Variants in CACNA2D1 observed in about 807,000 individuals in gnomAD.
CACNA2D1 encodes voltage-dependent calcium channel subunit alpha-2/delta-1.
A neutral mutation model predicts 171.5 loss-of-function variants in CACNA2D1; 53 were observed. That is an observed-to-expected ratio of 0.31 (90% CI 0.25 to 0.39). The LOEUF (loss-of-function observed/expected upper bound fraction) is 0.39, where lower values mean the gene tolerates loss of function less well. Ranked by LOEUF, CACNA2D1 falls within the 10% of genes least tolerant of loss-of-function variation. The probability of loss-of-function intolerance (pLI) is 1.00; values close to 1 mark genes in which losing one functional copy is unlikely to be tolerated. For missense variants in CACNA2D1, 903 were observed against 1,299.8 expected, an observed-to-expected ratio of 0.69 and a Z score of 4.69; for synonymous variants, 442 against 443.1, an observed-to-expected ratio of 1.00 and a Z score of 0.03.
intron 3 of CACNA2D1, among the ~76,000 whole-genome samples, chr7:82,205,407 C>T (rs1799915046): frequency 1.3e-5 from 2 of 152,016 alleles, no homozygotes; most frequent in South Asian, 2.1e-4. Context: ...GGGGCAGTAC[C>T]TACTGAATCT....
chr7:82,112,739 G>T (rs1788604280), intron 6 of CACNA2D1, among the ~76,000 whole-genome samples: 4 of 152,154 alleles, frequency 2.6e-5, no homozygotes, highest in Admixed American at 2.6e-4. Flanking sequence ...GCAAGTGGTG[G>T]ACCTTGTTGG....
chr7:82,257,744 TA>T (rs1806477463), intron 3 of CACNA2D1, among the ~76,000 whole-genome samples: 1 of 152,174 alleles, frequency 6.6e-6, no homozygotes, highest in African/African-American at 2.4e-5. Context: ...TTCTCACATT[TA>T]AAAAAATACT....
At chr7:81,958,640 G>C (rs1793725487) in intron 38 of CACNA2D1, among the ~76,000 whole-genome samples, 2 of 151,986 alleles carry the variant, frequency 1.3e-5, no homozygotes, top group African/African-American at 4.8e-5. Context: ...AGGAAAAGTA[G>C]TAAGCCATCT....
At position 82,047,711 on chromosome 7, in the gene CACNA2D1, ACTCT is replaced by A. The variant is rs755980122; in HGVS notation, c.880-9480_880-9477del. On this transcript the variant is annotated intron_variant, in intron 10 of 38. Transcript: ENST00000356860. Reference sequence around the variant, plus strand: ...GTACAGTAACATTAGTACAAAAAAGACTCTCTCTATACTCAAAGAAGCGTACATT... The same window carrying A: ...GTACAGTAACATTAGTACAAAAAAGACTCTATACTCAAAGAAGCGTACATT... Among the ~76,000 whole-genome samples the A allele has an allele frequency of 1.3e-4, 19 of 151,348 alleles. No individual in the cohort carries two copies. In the East Asian group the frequency reaches 1.4e-3, roughly 11 times the overall value.
At chr7:82,352,989 G>A (rs377371335) in intron 1 of CACNA2D1, among the ~76,000 whole-genome samples, 5 of 152,170 alleles carry the variant, frequency 3.3e-5, no homozygotes, top group East Asian at 1.9e-4. Context: ...TCAAAATAAC[G>A]GAGAGATATT....
chr7:82,309,826 C>A (rs1472947428), intron 3 of CACNA2D1, among the ~76,000 whole-genome samples: 6 of 152,132 alleles, frequency 3.9e-5, no homozygotes, highest in Admixed American at 3.9e-4. Context: ...AGTCCCTGTT[C>A]TTCATACCTG....
chr7:82,005,593 A>G, intron 17 of CACNA2D1, 96 bp from the exon 18 acceptor site: 1 of 890,106 alleles, frequency 1.1e-6, no homozygotes, highest in Non-Finnish European at 1.8e-6. Flanking sequence ...TACACATTGT[A>G]TAGCATGTTG....
chr7:81,992,471 G>C (rs559087790), intron 20 of CACNA2D1, among the ~76,000 whole-genome samples: 1 of 152,092 alleles, frequency 6.6e-6, no homozygotes, highest in African/African-American at 2.4e-5. Flanking sequence ...GGGGGGAACA[G>C]GGTTGTGAAG....
intron 3 of CACNA2D1, among the ~76,000 whole-genome samples, chr7:82,188,233 A>C (rs2129181717): frequency 6.6e-6 from 1 of 152,250 alleles, no homozygotes; most frequent in South Asian, 2.1e-4. Context: ...AGCATGATTT[A>C]ATCAGAGAAA....
chr7:81,964,690 G>A (rs768186065), intron 32 of CACNA2D1, among the ~76,000 whole-genome samples: 6 of 151,882 alleles, frequency 4.0e-5, no homozygotes, highest in Non-Finnish European at 5.9e-5. Flanking sequence ...AGGGTACAAA[G>A]AAGCAGTTAT....
intron 4 of CACNA2D1, among the ~76,000 whole-genome samples, chr7:82,163,052 C>G (rs1008955015): frequency 2.6e-5 from 4 of 151,930 alleles, no homozygotes; most frequent in East Asian, 1.9e-4. Context: ...TATAACTCCA[C>G]CAAATTGAAA....
upstream of CACNA2D1, chr7:82,443,847 C>CGGG (rs1411519748): frequency 7.8e-6 from 2 of 257,706 alleles, no homozygotes; most frequent in Non-Finnish European, 1.2e-5. Flanking sequence ...GGGGCGGGGG[C>CGGG]GGAGGAGGGG....
intron 3 of CACNA2D1, among the ~76,000 whole-genome samples, chr7:82,298,298 T>A (rs1234858261): frequency 2.6e-5 from 4 of 152,158 alleles, no homozygotes; most frequent in African/African-American, 9.6e-5. Context: ...GGACTAGAAC[T>A]GTAACTGCCA....
At chr7:82,234,972 T>C (rs1803380496) in intron 3 of CACNA2D1, among the ~76,000 whole-genome samples, 1 of 152,144 alleles carries the variant, frequency 6.6e-6, no homozygotes. Flanking sequence ...ATTGTTCAAG[T>C]GCTGCGATTT....
chr7:82,151,455 G>C (rs1793846301), intron 4 of CACNA2D1, among the ~76,000 whole-genome samples: 1 of 152,006 alleles, frequency 6.6e-6, no homozygotes, highest in African/African-American at 2.4e-5. Flanking sequence ...CTTAGTCCAT[G>C]GTTGCTAACA....
chr7:81,962,517 A>T (rs1794261736), intron 34 of CACNA2D1, 22 bp from the exon 35 acceptor site: 4 of 1,501,282 alleles, frequency 2.7e-6, no homozygotes, highest in South Asian at 2.4e-5. Flanking sequence ...AAATAAAAAA[A>T]AAATAAACAT....
intron 4 of CACNA2D1, among the ~76,000 whole-genome samples, chr7:82,157,080 T>C (rs572063533): frequency 1.3e-5 from 2 of 152,276 alleles, no homozygotes; most frequent in Non-Finnish European, 2.9e-5. Flanking sequence ...CAATTGCCTG[T>C]CTTTCTAAAT....
chr7:82,012,881 T>C (rs540741627), intron 14 of CACNA2D1, among the ~76,000 whole-genome samples: 1 of 152,230 alleles, frequency 6.6e-6, no homozygotes, highest in Non-Finnish European at 1.5e-5. Flanking sequence ...CATAGTAATT[T>C]ATGATTATTT....
chr7:82,060,602 G>A (rs1584590590), intron 9 of CACNA2D1, 75 bp from the exon 10 acceptor site: 2 of 863,604 alleles, frequency 2.3e-6, no homozygotes, highest in East Asian at 2.5e-5. Context: ...GAAAGATAAT[G>A]TATGCACTGA....
Sources: allele counts gnomAD v4.1 joint callset (sites outside exome capture counted in the v4.1 genomes callset), GRCh38; gene constraint gnomAD v4.1.1; transcripts MANE v1.5; gene names NCBI Gene and HGNC (gene_info 2026-07-23, HGNC 2026-07-21).